PAN3: variants seen among roughly 807,000 people sequenced by gnomAD.
PAN3 encodes PAN2-PAN3 deadenylation complex subunit PAN3.
A neutral mutation model predicts 96.2 loss-of-function variants in PAN3; 19 were observed. The ratio of observed to expected loss-of-function variants is 0.20; its 90% confidence interval spans 0.14 to 0.29. The LOEUF (loss-of-function observed/expected upper bound fraction) is 0.29, where lower values mean the gene tolerates loss of function less well. Among genes scored for constraint, PAN3 ranks in the 10% least tolerant of loss-of-function variants. The pLI is 1.00. For missense variants in PAN3, 882 were observed against 1,108.1 expected (o/e 0.80, Z 2.90); for synonymous variants, 433 against 406.6 (o/e 1.06, Z -0.78).
intron 5 of PAN3, among the ~76,000 whole-genome samples, chr13:28,206,074 ATAAG>A (rs1462412002): frequency 1.3e-5 from 2 of 151,966 alleles, no homozygotes; most frequent in Non-Finnish European, 1.5e-5. Context: ...CTCTTAACTT[ATAAG>A]CATTCCATGT....
intron 5 of PAN3, among the ~76,000 whole-genome samples, chr13:28,200,944 C>T (rs926430072): frequency 3.3e-5 from 5 of 152,158 alleles, no homozygotes; most frequent in African/African-American, 1.2e-4. Flanking sequence ...TCAGAGTTTT[C>T]CAGGGATCTC....
intron 7 of PAN3, among the ~76,000 whole-genome samples, chr13:28,259,422 C>T (rs554139280): frequency 1.3e-5 from 2 of 151,950 alleles, no homozygotes; most frequent in African/African-American, 4.8e-5. Context: ...TCTCCTGCCT[C>T]AACCTCCCGA....
chr13:28,187,526 A>T (rs887057582), intron 4 of PAN3, among the ~76,000 whole-genome samples: 5 of 152,164 alleles, frequency 3.3e-5, no homozygotes, highest in Non-Finnish European at 7.3e-5. Flanking sequence ...TTTTGGTAGC[A>T]TAAAATCCCT....
intron 5 of PAN3, among the ~76,000 whole-genome samples, chr13:28,200,986 C>G (rs756124002): frequency 3.3e-5 from 5 of 152,028 alleles, no homozygotes; most frequent in Non-Finnish European, 5.9e-5. Flanking sequence ...TTTTATTGAG[C>G]ACTTAATATT....
chr13:28,237,855 T>TA (rs751215927), intron 6 of PAN3, among the ~76,000 whole-genome samples: 2 of 152,122 alleles, frequency 1.3e-5, no homozygotes, highest in African/African-American at 4.8e-5. Context: ...ACCTTCCTAA[T>TA]AAAAAACATC....
chr13:28,174,428 G>A (rs1217718639), intron 2 of PAN3, 35 bp downstream of exon 2: 4 of 1,600,648 alleles, frequency 2.5e-6, no homozygotes, highest in Non-Finnish European at 2.6e-6. Flanking sequence ...GCACTATGAA[G>A]TTTATTCTAG....
intron 7 of PAN3, among the ~76,000 whole-genome samples, chr13:28,259,808 TTG>T (rs1313658721): frequency 6.6e-6 from 1 of 151,838 alleles, no homozygotes; most frequent in African/African-American, 2.4e-5. Flanking sequence ...CCCACTAATT[TTG>T]TATTTTCAGT....
intron 4 of PAN3, among the ~76,000 whole-genome samples, chr13:28,180,076 A>G (rs1206324518): frequency 1.3e-5 from 2 of 152,154 alleles, no homozygotes; most frequent in African/African-American, 2.4e-5. Flanking sequence ...CTCTACTGTG[A>G]TATTTGAGGC....
intron 1 of PAN3, among the ~76,000 whole-genome samples, chr13:28,156,076 G>A (rs1386638534): frequency 1.3e-5 from 2 of 152,162 alleles, no homozygotes. Context: ...GAGCTGAACT[G>A]AATAAAGTTG....
intron 6 of PAN3, among the ~76,000 whole-genome samples, chr13:28,237,464 CTTAA>C (rs1042682763): frequency 3.7e-4 from 56 of 152,244 alleles, no homozygotes; most frequent in African/African-American, 1.1e-3. Context: ...AGCACCAAAA[CTTAA>C]TTAGAGCTTA....
rs1422114256 is a variant in PAN3 at position 28,138,963 on chromosome 13, C to A, written c.306C>A (p.Ala102=). 1 of 1,290,718 alleles carries A rather than the reference C, an allele frequency of 7.7e-7. No homozygotes were observed. Among genetic ancestry groups the A allele is most frequent in the Non-Finnish European group, 9.8e-7 (1 of 1,019,670 alleles). 80.0% of individuals were successfully genotyped at this position (1,290,718 alleles called of 1,614,324 possible). A position where few individuals can be genotyped will look rare whatever the true frequency, so the allele number is the denominator to read the frequency against. ...GAPVAGFPPG[A]VAGGGAGPPP... is the part of the protein sequence containing the mutation. ...CCGTGGCCGGCTTTCCGCCGGGAGC[C>A]GTCGCGGGCGGGGGAGCTGGGCCGC... Residue 102 remains alanine, a synonymous_variant, in exon 1 of 19, where the codon GCC becomes GCA. Transcript: ENST00000380958.
intron 1 of PAN3, among the ~76,000 whole-genome samples, chr13:28,155,553 C>T (rs1373370130): frequency 2.6e-5 from 4 of 151,926 alleles, no homozygotes; most frequent in Non-Finnish European, 4.4e-5. Context: ...GGCACCAGTG[C>T]GCTCCAGCCT....
chr13:28,146,537 G>A (rs1870679240), intron 1 of PAN3, among the ~76,000 whole-genome samples: 1 of 152,060 alleles, frequency 6.6e-6, no homozygotes, highest in Non-Finnish European at 1.5e-5. Context: ...CTAGGTATGT[G>A]AGCACCCAAA....
chr13:28,287,343 T>C (rs925284538), intron 17 of PAN3, among the ~76,000 whole-genome samples: 1 of 152,252 alleles, frequency 6.6e-6, no homozygotes, highest in African/African-American at 2.4e-5. Context: ...CTTTAAATGA[T>C]ACAGAAAAGG....
At position 28,197,335 on chromosome 13, in the gene PAN3, A is replaced by G; in HGVS notation, c.841A>G (p.Asn281Asp). The change falls in exon 5 of 19, where the codon AAC becomes GAC. Residue 281 changes from asparagine (N) to aspartate (D), a missense_variant. Physicochemically the swap from Asn to Asp is conservative, Grantham distance 23 (BLOSUM62 1). Transcript: ENST00000380958. ...NMVWWNRVTE[N>D]NLQTPNPTAS... ...GGTTTGGTGGAACAGAGTCACAGAA[A>G]ACAATTTACAGGTAAAAATAATTTT... 2 of 1,596,086 alleles carry G rather than the reference A, an allele frequency of 1.3e-6. No individual in the cohort carries two copies. The highest frequency in any genetic ancestry group is 1.7e-6 in the Non-Finnish European group (2 of 1,171,326).
At position 28,138,606 on chromosome 13, in the gene PAN3, T is replaced by TGGCGGCGGCGGC. The variant is rs139276478; in HGVS notation, c.-51_-40dup. The TGGCGGCGGCGGC allele has an allele frequency of 2.1e-5, 10 of 471,318 alleles. No homozygotes were observed. Among genetic ancestry groups the TGGCGGCGGCGGC allele is most frequent in the Admixed American group, 1.3e-4 (3 of 23,116 alleles). The allele number at this position is 471,318 out of a possible 1,614,324, so 29.2% of individuals were successfully genotyped here. On this transcript the variant is annotated 5_prime_UTR_variant, in exon 1 of 19. Coordinates refer to ENST00000380958, the MANE Select transcript of PAN3 (RefSeq NM_175854.8). The stretch of plus-strand genomic sequence containing the variant: ...TCCTTTCCTCCCCCGTCTATGGTGG[T>TGGCGGCGGCGGC]GGCGGCGGCGGCTCCTCGGGCGGCG...
At chr13:28,266,471 G>A (rs1410377463) in intron 9 of PAN3, among the ~76,000 whole-genome samples, 1 of 152,056 alleles carries the variant, frequency 6.6e-6, no homozygotes, top group Non-Finnish European at 1.5e-5. Context: ...TGCTATAAAA[G>A]GAAATGTTTT....
intron 2 of PAN3, 76 bp downstream of exon 2, chr13:28,174,469 T>C (rs1874700302): frequency 1.4e-6 from 2 of 1,478,828 alleles, no homozygotes; most frequent in African/African-American, 1.4e-5. Context: ...CTTCATTTAT[T>C]CCTACATTTG....
chr13:28,169,533 A>G (rs1441472143), intron 1 of PAN3, among the ~76,000 whole-genome samples: 1 of 151,180 alleles, frequency 6.6e-6, no homozygotes, highest in Non-Finnish European at 1.5e-5. Flanking sequence ...GCCCGGCTGT[A>G]TTTTTCTCTT....
Sources: allele counts gnomAD v4.1 joint callset (sites outside exome capture counted in the v4.1 genomes callset), GRCh38; gene constraint gnomAD v4.1.1; transcripts MANE v1.5; gene names NCBI Gene and HGNC (gene_info 2026-07-23, HGNC 2026-07-21).